The following NAALADL2 variants were observed in gnomAD, a reference collection of about 807,000 sequenced individuals.
NAALADL2 encodes the protein inactive N-acetylated-alpha-linked acidic dipeptidase-like protein 2.
Under a neutral mutation model 87.2 loss-of-function variants are expected in NAALADL2, and 76 were observed. The observed-to-expected ratio is 0.87, with a 90% CI of 0.72 to 1.05. The LOEUF is 1.05. Among genes scored for constraint, NAALADL2 ranks in the 50% least tolerant of loss-of-function variants. The probability of loss-of-function intolerance (pLI) is 0.00; values close to 1 mark genes in which losing one functional copy is unlikely to be tolerated. For synonymous variants in NAALADL2, 354 were observed against 331.0 expected (o/e 1.07, Z -0.75); for missense variants, 1,089 against 945.8 (o/e 1.15, Z -1.99).
chr3:175,398,457 T>C (rs541488828), intron 5 of NAALADL2, among the ~76,000 whole-genome samples: 53 of 151,668 alleles, frequency 3.5e-4, no homozygotes, highest in Non-Finnish European at 6.9e-4. Flanking sequence ...GAAAGCACTG[T>C]ATGGTTCTCA....
At chr3:175,651,058 A>G (rs1730692239) in intron 11 of NAALADL2, among the ~76,000 whole-genome samples, 1 of 152,212 alleles carries the variant, frequency 6.6e-6, no homozygotes, top group Non-Finnish European at 1.5e-5. Context: ...CAATGTCTAC[A>G]GCATTGTTTG....
chr3:174,708,860 A>G (rs1171615421), intron 2 of NAALADL2, among the ~76,000 whole-genome samples: 1 of 152,114 alleles, frequency 6.6e-6, no homozygotes, highest in Non-Finnish European at 1.5e-5. Context: ...CCATGATTAA[A>G]TTTTCATTCC....
intron 9 of NAALADL2, among the ~76,000 whole-genome samples, chr3:175,480,418 A>G (rs1726288236): frequency 2.0e-5 from 3 of 151,866 alleles, no homozygotes; most frequent in African/African-American, 7.2e-5. Flanking sequence ...AATCAATGGT[A>G]ACTCCAGAAG....
chr3:175,512,563 A>G (rs1044226423), intron 9 of NAALADL2, among the ~76,000 whole-genome samples: 2 of 152,200 alleles, frequency 1.3e-5, no homozygotes, highest in African/African-American at 2.4e-5. Flanking sequence ...TGAAAACTTC[A>G]GGTGATAACA....
chr3:175,257,204 A>G (rs1750120095), intron 4 of NAALADL2: 1 of 119,832 alleles, frequency 8.3e-6, no homozygotes, highest in Admixed American at 8.1e-5. Flanking sequence ...AAAAAAAAAA[A>G]AAAAAAAAAT....
chr3:175,227,360 A>G (rs1744305961), intron 2 of NAALADL2, among the ~76,000 whole-genome samples: 1 of 151,990 alleles, frequency 6.6e-6, no homozygotes, highest in Admixed American at 6.6e-5. Context: ...CATTAATGCC[A>G]AAGTTACTTC....
chr3:174,491,123 C>T (rs1453614149), intron 1 of NAALADL2, among the ~76,000 whole-genome samples: 2 of 152,048 alleles, frequency 1.3e-5, no homozygotes, highest in Non-Finnish European at 2.9e-5. Context: ...ATTACTTTAT[C>T]AATTTGGGGT....
chr3:175,593,096 C>G (rs1721753501), intron 10 of NAALADL2, among the ~76,000 whole-genome samples: 1 of 151,760 alleles, frequency 6.6e-6, no homozygotes, highest in African/African-American at 2.4e-5. Context: ...TTTGCTGCAC[C>G]AATCAACCCA....
intron 11 of NAALADL2, among the ~76,000 whole-genome samples, chr3:175,640,011 A>C (rs1729080989): frequency 6.6e-6 from 1 of 152,224 alleles, no homozygotes; most frequent in African/African-American, 2.4e-5. Context: ...GATTGAAGAG[A>C]ATATTAGAAA....
At chr3:174,756,709 A>G (rs959627517) in intron 3 of NAALADL2, among the ~76,000 whole-genome samples, 1 of 152,174 alleles carries the variant, frequency 6.6e-6, no homozygotes, top group African/African-American at 2.4e-5. Context: ...GTGAATTTTG[A>G]AATAAAGCTG....
chr3:175,107,778 A>G (rs746712548), intron 2 of NAALADL2, among the ~76,000 whole-genome samples: 1 of 149,904 alleles, frequency 6.7e-6, no homozygotes, highest in South Asian at 2.1e-4. Context: ...TTAATGTGGT[A>G]ATATTAAGTC....
chr3:174,862,673 A>G (rs1009484131), intron 1 of NAALADL2, among the ~76,000 whole-genome samples: 33 of 152,060 alleles, frequency 2.2e-4, no homozygotes, highest in Non-Finnish European at 4.7e-4. Context: ...AAATAATATG[A>G]TATACTAATT....
At chr3:175,055,363 A>C (rs1711914144) in intron 1 of NAALADL2, among the ~76,000 whole-genome samples, 1 of 152,186 alleles carries the variant, frequency 6.6e-6, no homozygotes, top group Admixed American at 6.5e-5. Context: ...TACCCCTTTC[A>C]AATTTAAACT....
intron 2 of NAALADL2, among the ~76,000 whole-genome samples, chr3:174,640,157 G>C (rs1384735631): frequency 6.6e-6 from 1 of 152,188 alleles, no homozygotes; most frequent in Non-Finnish European, 1.5e-5. Flanking sequence ...TCTCAATCAT[G>C]GGTGCCCATC....
At chr3:174,492,239 T>C (rs1467820553) in intron 1 of NAALADL2, among the ~76,000 whole-genome samples, 1 of 148,940 alleles carries the variant, frequency 6.7e-6, no homozygotes, top group Admixed American at 6.8e-5. Flanking sequence ...CATTGCACTC[T>C]AGCCCAGGCA....
intron 4 of NAALADL2, among the ~76,000 whole-genome samples, chr3:175,316,760 G>A (rs1037898373): frequency 3.3e-5 from 5 of 152,052 alleles, no homozygotes; most frequent in Non-Finnish European, 5.9e-5. Context: ...GAACATTTTA[G>A]ACAACCCCAA....
chr3:174,676,453 A>G lies in NAALADL2; in HGVS notation c.-114-61188A>G, dbSNP rs189122509. Among the ~76,000 whole-genome samples, 3 of 152,142 alleles carry G rather than the reference A, an allele frequency of 2.0e-5. No homozygotes were observed. In the East Asian group the frequency reaches 5.8e-4, roughly 29 times the overall value. On this transcript the variant is annotated intron_variant, in intron 2 of 3. Transcript: ENST00000434257. Reference sequence around the variant, plus strand: ...ATAAAATCAAGTGTCTATTCAATGTATTCCAAAATATTTTGTAAACCATTA... The same window carrying G: ...ATAAAATCAAGTGTCTATTCAATGTGTTCCAAAATATTTTGTAAACCATTA...
At chr3:175,348,013 G>T (rs1358056178) in intron 5 of NAALADL2, among the ~76,000 whole-genome samples, 3 of 152,036 alleles carry the variant, frequency 2.0e-5, no homozygotes, top group African/African-American at 7.2e-5. Context: ...GTGTTAGTTT[G>T]CTGAGAATGA....
At chr3:175,207,432 G>A (rs1018461027) in intron 2 of NAALADL2, among the ~76,000 whole-genome samples, 1 of 151,972 alleles carries the variant, frequency 6.6e-6, no homozygotes, top group Non-Finnish European at 1.5e-5. Context: ...AAGTAATGCT[G>A]GATTTTTGGA....
Sources: gnomAD v4.1 joint callset for allele counts (sites outside exome capture counted in the v4.1 genomes callset) on GRCh38, gnomAD v4.1.1 for gene constraint, MANE v1.5 for transcripts, NCBI Gene and HGNC (gene_info 2026-07-23, HGNC 2026-07-21) for gene names.